The following SRP72 variants were observed in gnomAD, a reference collection of about 807,000 sequenced individuals.
SRP72 encodes the protein signal recognition particle 72, also known as signal recognition particle subunit SRP72.
Under a neutral mutation model 96.3 loss-of-function variants are expected in SRP72, and 49 were observed. That is an observed-to-expected ratio of 0.51 (90% CI 0.40 to 0.65). SRP72 has a LOEUF of 0.65. Ranked by LOEUF, SRP72 falls within the 30% of genes least tolerant of loss-of-function variation. The probability of loss-of-function intolerance (pLI) is 0.00; values close to 1 mark genes in which losing one functional copy is unlikely to be tolerated. For missense variants in SRP72, 736 were observed against 793.3 expected (o/e 0.93, Z 0.87); for synonymous variants, 267 against 275.2 (o/e 0.97, Z 0.30).
chr4:56,500,370 TA>T (rs972486783), intron 17 of SRP72, 165 bp from the exon 18 acceptor site: 356 of 691,186 alleles, frequency 5.2e-4, no homozygotes, highest in Non-Finnish European at 6.0e-4. Flanking sequence ...TATAATAATT[TA>T]AAAAAAAAGA....
chr4:56,470,828 G>GTTTT (rs569643683), intron 2 of SRP72, among the ~76,000 whole-genome samples: 1 of 130,206 alleles, frequency 7.7e-6, no homozygotes, highest in Non-Finnish European at 1.7e-5. Context: ...TTGGATAAAA[G>GTTTT]TTTTTTTTTT....
intron 5 of SRP72, 116 bp downstream of exon 5, chr4:56,474,507 G>A (rs1720128696): frequency 1.1e-6 from 1 of 875,696 alleles, no homozygotes; most frequent in Non-Finnish European, 1.7e-6. Context: ...TTGATGCAGT[G>A]ACAATTTCTC....
At chr4:56,488,795 A>G (rs1204892308) in intron 12 of SRP72, among the ~76,000 whole-genome samples, 2 of 151,802 alleles carry the variant, frequency 1.3e-5, no homozygotes, top group Non-Finnish European at 2.9e-5. Context: ...TTATTCATGT[A>G]TTTTTTTCTT....
intron 12 of SRP72, 58 bp from the exon 13 acceptor site, chr4:56,489,330 A>G: frequency 2.0e-6 from 2 of 977,584 alleles, no homozygotes; most frequent in Non-Finnish European, 3.1e-6. Flanking sequence ...TTTATTTTCA[A>G]AAGCGGTATT....
chr4:56,478,780 A>G (rs1274099900), intron 8 of SRP72, 131 bp downstream of exon 8: 6 of 799,024 alleles, frequency 7.5e-6, no homozygotes, highest in Non-Finnish European at 1.2e-5. Flanking sequence ...TAGCAAAATC[A>G]CAATGGATAG....
chr4:56,500,673 A>G lies in SRP72; in HGVS notation c.1816A>G (p.Thr606Ala), dbSNP rs1440052654. ...GATTGGAAAAGGGACCCAGGGAGCA[A>G]CTGCAGGAGCTTCATCTGAACTGTA... is the stretch of plus-strand genomic sequence containing the variant. ...DQIGKGTQGA[T>A]AGASSELDAS... Residue 606 changes from threonine (T) to alanine (A), a missense_variant, in exon 18 of 19, where the codon ACT becomes GCT. This residue lies in a region of SRP72 where 388 missense variants were observed against 431.8 expected (regional missense o/e 0.90). Coordinates refer to ENST00000642900, the MANE Select transcript of SRP72 (RefSeq NM_006947.4). 6.2e-7 allele frequency: 1 copy of G among 1,613,934 alleles called. No individual in the cohort carries two copies. Among genetic ancestry groups the G allele is most frequent in the East Asian group, 2.2e-5 (1 of 44,878 alleles).
intron 17 of SRP72, among the ~76,000 whole-genome samples, chr4:56,499,138 A>G (rs1355640614): frequency 6.6e-6 from 1 of 152,212 alleles, no homozygotes; most frequent in South Asian, 2.1e-4. Context: ...CTGATCTTTG[A>G]CAAACCTGAC....
intron 17 of SRP72, among the ~76,000 whole-genome samples, chr4:56,496,710 G>A (rs560209219): frequency 1.3e-5 from 2 of 152,248 alleles, no homozygotes; most frequent in Admixed American, 1.3e-4. Flanking sequence ...GCTCCCGGCT[G>A]GGCATGGTGG....
At chr4:56,483,292 C>T in intron 9 of SRP72, 22 bp downstream of exon 9, 1 of 1,607,516 alleles carries the variant, frequency 6.2e-7, no homozygotes, top group Non-Finnish European at 8.5e-7. Context: ...CCTTTGGTGT[C>T]ATGGCTAAAC....
intron 6 of SRP72, among the ~76,000 whole-genome samples, chr4:56,477,667 CAA>C (rs1300315225): frequency 1.3e-5 from 2 of 152,094 alleles, no homozygotes. Flanking sequence ...GGTTTGGAAA[CAA>C]ACATATCTGA....
chr4:56,490,059 G>T (rs556216615), intron 13 of SRP72, among the ~76,000 whole-genome samples: 1 of 144,436 alleles, frequency 6.9e-6, no homozygotes, highest in Admixed American at 7.7e-5. Context: ...TTTAAGATTT[G>T]ATTATTATAG....
rs753741659 is a variant in SRP72, at chr4:56,469,667, A to G, written c.124A>G (p.Lys42Glu). 1 of 1,605,770 alleles carries G rather than the reference A, an allele frequency of 6.2e-7. No homozygotes were observed. The highest frequency in any genetic ancestry group is 1.7e-5 in the Admixed American group (1 of 59,854). Residue 42 changes from lysine (K) to glutamate (E), a missense_variant, in exon 2 of 19, where the codon AAA (lysine) becomes GAA (glutamate). By Grantham distance (56) the Lys-to-Glu change is moderately conservative. Transcript: ENST00000642900. ...TTGTTCTCTAGTACTACAGATCAAC[A>G]AAGATGACGTAACTGCCCTGCATTG... ...KTVNKILQIN[K>E]DDVTALHCKV...
At chr4:56,501,572 A>G in intron 18 of SRP72, 112 bp from the exon 19 acceptor site, 4 of 896,312 alleles carry the variant, frequency 4.5e-6, no homozygotes, top group Non-Finnish European at 5.0e-6. Context: ...TAAAAGAAGT[A>G]GAAAATGTGT....
chr4:56,483,058 G>A, intron 8 of SRP72, 81 bp from the exon 9 acceptor site: 1 of 1,338,558 alleles, frequency 7.5e-7, no homozygotes, highest in Non-Finnish European at 1.0e-6. Flanking sequence ...CTCTCCTGCT[G>A]TATCTATATA....
chr4:56,470,660 G>A (rs879379356), intron 2 of SRP72, among the ~76,000 whole-genome samples: 14 of 152,088 alleles, frequency 9.2e-5, no homozygotes, highest in Non-Finnish European at 2.1e-4. Flanking sequence ...AAATGTGTTA[G>A]AGATTAAAAA....
At chr4:56,486,695 A>G (rs1189202172) in intron 11 of SRP72, among the ~76,000 whole-genome samples, 3 of 152,224 alleles carry the variant, frequency 2.0e-5, no homozygotes, top group Non-Finnish European at 4.4e-5. Context: ...TTGCCTGAGT[A>G]TGTCACATGC....
chr4:56,470,752 A>G (rs759171301), intron 2 of SRP72, among the ~76,000 whole-genome samples: 4 of 152,034 alleles, frequency 2.6e-5, no homozygotes, highest in Non-Finnish European at 5.9e-5. Flanking sequence ...GCTAAAATTC[A>G]GTCTCTTGAT....
intron 6 of SRP72, chr4:56,477,299 C>CTTTTTTTTTTTTTTTTTTTT (rs1720276211): frequency 5.1e-5 from 5 of 97,274 alleles, no homozygotes; most frequent in African/African-American, 1.9e-4. Flanking sequence ...CTCTCTCTCT[C>CTTTTTTTTTTTTTTTTTTTT]TCTTTTTTTT....
intron 8 of SRP72, among the ~76,000 whole-genome samples, chr4:56,480,281 C>A (rs1244567727): frequency 6.6e-6 from 1 of 151,828 alleles, no homozygotes; most frequent in Non-Finnish European, 1.5e-5. Flanking sequence ...TTTTTTCCCC[C>A]AAGATGGAGT....
Sources: allele counts gnomAD v4.1 joint callset (sites outside exome capture counted in the v4.1 genomes callset), GRCh38; gene constraint gnomAD v4.1.1; regional missense constraint gnomAD v4.1.1; transcripts MANE v1.5; gene names NCBI Gene and HGNC (gene_info 2026-07-23, HGNC 2026-07-21).